TTC21A: variants seen among roughly 807,000 people sequenced by gnomAD.
TTC21A encodes the protein tetratricopeptide repeat protein 21A.
A neutral mutation model predicts 156.4 loss-of-function variants in TTC21A; 128 were observed. That is an observed-to-expected ratio of 0.82 (90% CI 0.71 to 0.95). TTC21A has a LOEUF of 0.95. TTC21A is among the 40% of genes least tolerant of loss of function. The pLI is 0.00. For synonymous variants in TTC21A, 587 were observed against 617.1 expected (o/e 0.95, Z 0.72); for missense variants, 1,435 against 1,602.3 (o/e 0.90, Z 1.78).
chr3:39,119,999 A>G lies in TTC21A; in HGVS notation c.879A>G (p.Lys293=). The G allele has an allele frequency of 6.2e-7, 1 of 1,606,896 alleles. No individual in the cohort carries two copies. The highest frequency in any genetic ancestry group is 8.5e-7 in the Non-Finnish European group (1 of 1,174,124). ...AAAATCCAAGCCTCCATCTTAAAAA[A>G]ATTATTGTGGTTAGCCGACTGGTAA... is the stretch of plus-strand genomic sequence containing the variant. ...EPENPSLHLK[K]IIVVSRLCGS... is the part of the protein sequence containing the mutation. The change falls in exon 8 of 29, where the codon AAA becomes AAG. Residue 293 remains lysine (K), a synonymous_variant. Coordinates refer to ENST00000683103, the MANE Select transcript of TTC21A (RefSeq NM_001366900.1).
Sources: gnomAD v4.1 joint callset for allele counts on GRCh38, gnomAD v4.1.1 for gene constraint, MANE v1.5 for transcripts, NCBI Gene and HGNC (gene_info 2026-07-23, HGNC 2026-07-21) for gene names.